Variants in ERAP1 observed in about 807,000 individuals in gnomAD.
ERAP1 encodes endoplasmic reticulum aminopeptidase 1.
A neutral mutation model predicts 103.7 loss-of-function variants in ERAP1; 86 were observed. The observed-to-expected ratio is 0.83, with a 90% CI of 0.70 to 0.99. The LOEUF (loss-of-function observed/expected upper bound fraction) is 0.99. Ranked by LOEUF, ERAP1 falls within the 50% of genes least tolerant of loss-of-function variation. ERAP1 has a pLI of 0.00. For synonymous variants in ERAP1, 398 were observed against 402.4 expected (o/e 0.99, Z 0.13); for missense variants, 1,009 against 1,128.4 (o/e 0.89, Z 1.52).
the ERAP1 span, among the ~76,000 whole-genome samples, chr5:96,858,582 A>T: frequency 6.6e-6 from 1 of 152,150 alleles, no homozygotes; most frequent in Non-Finnish European, 1.5e-5. Flanking sequence ...CAACTTGGGG[A>T]TTTATGCCAA....
Position 96,800,869 on chromosome 5 carries a change from A to G in ERAP1, c.656T>C (p.Met219Thr), listed in dbSNP as rs112160177. The G allele has an allele frequency of 1.9e-6, 3 of 1,614,144 alleles. No individual in the cohort carries two copies. The highest frequency in any genetic ancestry group is 1.7e-5 in the Admixed American group (1 of 60,018). The stretch of plus-strand genomic sequence containing the variant: ...ACAGGAGTGCAGACTCACCAATGGC[A>G]TATTGGAGATGGCTAGGTGCCTTGG... Reference protein sequence around the residue: ...REPRHLAISNMPLVKSVTVAE... With the variant: ...REPRHLAISNTPLVKSVTVAE... Residue 219 changes from methionine to threonine, a missense_variant, in exon 3 of 19, where the codon ATG becomes ACG. By Grantham distance (81) the Met-to-Thr change is moderately conservative (BLOSUM62 -1). Coordinates refer to ENST00000443439, the MANE Select transcript of ERAP1 (RefSeq NM_001040458.3).
intron 13 of ERAP1, 156 bp downstream of exon 13, chr5:96,785,632 A>G: frequency 1.3e-6 from 1 of 759,536 alleles, no homozygotes; most frequent in Non-Finnish European, 2.2e-6. Flanking sequence ...GTTAATTATA[A>G]GACTAAAAGC....
At chr5:96,914,048 T>C in the ERAP1 span, among the ~76,000 whole-genome samples, 1 of 152,164 alleles carries the variant, frequency 6.6e-6, no homozygotes, top group Non-Finnish European at 1.5e-5. Context: ...AATATGTTCC[T>C]GGATCTAAAA....
the ERAP1 span, chr5:96,909,159 T>C: frequency 1.3e-5 from 20 of 1,585,814 alleles, no homozygotes; most frequent in Middle Eastern, 1.7e-4. Flanking sequence ...AAATACACAG[T>C]GTCTGGAGTA....
the ERAP1 span, among the ~76,000 whole-genome samples, chr5:96,927,323 T>A: frequency 6.6e-6 from 1 of 152,252 alleles, no homozygotes; most frequent in Non-Finnish European, 1.5e-5. Context: ...TTTACTATTA[T>A]CTGGTTTTTT....
the ERAP1 span, chr5:96,879,894 C>T: frequency 6.2e-7 from 1 of 1,614,156 alleles, no homozygotes; most frequent in Middle Eastern, 1.7e-4. Flanking sequence ...CTAAGGCTCC[C>T]CAGTGTGGTC....
the ERAP1 span, chr5:96,879,925 C>G: frequency 1.2e-6 from 2 of 1,614,156 alleles, no homozygotes; most frequent in South Asian, 1.1e-5. Context: ...ATTATGACCT[C>G]TTTGTCCACC....
the ERAP1 span, among the ~76,000 whole-genome samples, chr5:96,817,383 C>G: frequency 6.6e-6 from 1 of 152,132 alleles, no homozygotes; most frequent in Non-Finnish European, 1.5e-5. Context: ...CTCATCAAAG[C>G]AATAAATAAT....
At chr5:96,782,161 C>G (rs1775296937) in intron 15 of ERAP1, among the ~76,000 whole-genome samples, 1 of 152,068 alleles carries the variant, frequency 6.6e-6, no homozygotes, top group African/African-American at 2.4e-5. Flanking sequence ...CAGGCGCCCG[C>G]CACCATGCCC....
the ERAP1 span, among the ~76,000 whole-genome samples, chr5:96,839,218 A>C: frequency 1.3e-5 from 2 of 152,234 alleles, no homozygotes; most frequent in Non-Finnish European, 2.9e-5. Context: ...CTAACCAGTA[A>C]TCTGCCTCAA....
At chr5:96,802,314 T>C (rs1265335041) in intron 2 of ERAP1, among the ~76,000 whole-genome samples, 2 of 152,094 alleles carry the variant, frequency 1.3e-5, no homozygotes, top group Non-Finnish European at 2.9e-5. Context: ...TAGTCATTTA[T>C]ATAAAACATC....
the ERAP1 span, chr5:96,886,730 G>C: frequency 6.5e-7 from 1 of 1,547,714 alleles, no homozygotes; most frequent in South Asian, 1.2e-5. Flanking sequence ...TACATACCTT[G>C]TAGCCTACAT....
At chr5:96,850,170 A>T in the ERAP1 span, among the ~76,000 whole-genome samples, 1 of 152,182 alleles carries the variant, frequency 6.6e-6, no homozygotes, top group Non-Finnish European at 1.5e-5. Flanking sequence ...GGGAAAAGCT[A>T]CCCATTGGTC....
upstream of ERAP1, among the ~76,000 whole-genome samples, chr5:96,809,266 T>C (rs1000371108): frequency 2.0e-5 from 3 of 152,220 alleles, no homozygotes; most frequent in Non-Finnish European, 4.4e-5. Context: ...TTCTGTGACT[T>C]AGAATGTCTA....
chr5:96,900,708 A>G, the ERAP1 span, among the ~76,000 whole-genome samples: 94,739 of 151,900 alleles, frequency 0.62, 29,693 homozygotes, highest in South Asian at 0.73. Context: ...ACAAAGTCTC[A>G]CTCTGTTGCC....
chr5:96,821,506 G>A, the ERAP1 span, among the ~76,000 whole-genome samples: 1 of 152,198 alleles, frequency 6.6e-6, no homozygotes, highest in Admixed American at 6.5e-5. Context: ...TCAGGCTGAT[G>A]GGACCCAGGG....
At chr5:96,924,598 AT>A in the ERAP1 span, among the ~76,000 whole-genome samples, 582 of 144,416 alleles carry the variant, frequency 4.0e-3, no homozygotes, top group Admixed American at 3.9e-3. Flanking sequence ...GGGCTAACAG[AT>A]TTTTTTTTTT....
the ERAP1 span, chr5:96,903,322 T>A: frequency 1.5e-6 from 2 of 1,333,254 alleles, no homozygotes. Flanking sequence ...GTTCTGGAGA[T>A]GTTCTGAATA....
chr5:96,768,810 ACTTTCTTGT>A (rs1771017174), intron 19 of ERAP1: 1 of 158,956 alleles, frequency 6.3e-6, no homozygotes, highest in South Asian at 1.8e-4. Context: ...CTTAGGGAAG[ACTTTCTTGT>A]CTTACATCTT....
Sources: allele counts gnomAD v4.1 joint callset (sites outside exome capture counted in the v4.1 genomes callset), GRCh38; gene constraint gnomAD v4.1.1; transcripts MANE v1.5; gene names NCBI Gene and HGNC (gene_info 2026-07-23, HGNC 2026-07-21).